The following NXF3 variants were observed in gnomAD, a reference collection of about 807,000 sequenced individuals.
NXF3 encodes nuclear RNA export factor 3, also known as TAP-like protein 3.
In NXF3, 34 loss-of-function variants were observed where a neutral mutation model predicts 48.4. The ratio of observed to expected loss-of-function variants is 0.70; its 90% CI spans 0.53 to 0.93. NXF3 has a LOEUF of 0.93. NXF3 is among the 40% of genes least tolerant of loss of function. The pLI, the probability that NXF3 is intolerant of heterozygous loss-of-function variation, is 0.00. For synonymous variants in NXF3, 132 were observed against 145.7 expected (o/e 0.91, Z 0.68); for missense variants, 359 against 406.1 (o/e 0.88, Z 1.00).
intron 1 of NXF3, chrX:103,089,216 T>C (rs1467910136): frequency 1.6e-6 from 1 of 619,933 alleles, no homozygotes; most frequent in Non-Finnish European, 2.7e-6. Context: ...GGAAGAGACA[T>C]CAACTTACTC....
chrX:103,087,216 A>T lies in NXF3; in HGVS notation c.29-2333T>A, dbSNP rs1019389524. 5.0e-5 allele frequency: 41 copies of T among 815,932 alleles called. No individual in the cohort carries two copies. The African/African-American group carries it at 6.5e-4, about 13-fold the overall frequency. 67.2% of individuals were successfully genotyped at this position (815,932 alleles called of 1,213,427 possible). A position where few individuals can be genotyped will look rare whatever the true frequency, so the allele number is the denominator to read the frequency against. The stretch of plus-strand genomic sequence containing the variant: ...AGAATATGATGCCTGAAAACTATTT[A>T]AAAATGCTAAAGATTCAACAGTGTG... On this transcript the variant is annotated intron_variant, in intron 1 of 19. Coordinates refer to ENST00000395065, the MANE Select transcript of NXF3 (RefSeq NM_022052.2).
chrX:103,087,467 A>C, intron 1 of NXF3: 2 of 1,055,878 alleles, frequency 1.9e-6, no homozygotes. Flanking sequence ...CGCCACTTAA[A>C]AAATCTGAAG....
intron 13 of NXF3, 40 bp downstream of exon 13, chrX:103,079,723 T>A: frequency 8.4e-7 from 1 of 1,189,310 alleles, no homozygotes; most frequent in Non-Finnish European, 1.1e-6. Flanking sequence ...TGCAGGGGAG[T>A]CACATGGCCC....
At chrX:103,086,351 T>C (rs1260961288) in intron 1 of NXF3, among the ~76,000 whole-genome samples, 3 of 110,063 alleles carry the variant, frequency 2.7e-5, no homozygotes, top group African/African-American at 9.9e-5. Flanking sequence ...GCAGAGCTTG[T>C]AGTGAGCCGA....
In NXF3 at chrX:103,079,468, C is replaced by T. The variant is rs146494763; in HGVS notation, c.1226G>A (p.Arg409Gln). The T allele has an allele frequency of 1.4e-4, 170 of 1,207,270 alleles. No individual in the cohort carries two copies. Among genetic ancestry groups the T allele is most frequent in the Admixed American group, 1.1e-3 (52 of 45,746 alleles). ...TTTTGTGTGCTTCAGCAGCTCCCCC[C>T]GAAGGTCTGTAGAGGAGAAGAGAAG... Reference protein sequence around the residue: ...NIKILKDPYLRGELLKHTKLD... With the variant: ...NIKILKDPYLQGELLKHTKLD... The change falls in exon 15 of 20, where the codon CGG (arginine) becomes CAG (glutamine). Residue 409 changes from arginine to glutamine, a missense_variant. Transcript: ENST00000395065.
intron 8 of NXF3, 146 bp from the exon 9 acceptor site, chrX:103,082,510 A>G (rs927836358): frequency 2.5e-5 from 12 of 476,440 alleles, no homozygotes; most frequent in Non-Finnish European, 4.4e-5. Context: ...TTCTTCAAAG[A>G]ACTATCTGAG....
intron 7 of NXF3, 62 bp downstream of exon 7, chrX:103,082,942 G>C (rs762683416): frequency 1.7e-6 from 2 of 1,151,049 alleles, no homozygotes; most frequent in African/African-American, 3.6e-5. Context: ...CCAACCGTAA[G>C]TCTCCATCTC....
At chrX:103,083,136 G>A (rs1302135890) in intron 6 of NXF3, 57 bp downstream of exon 6, 1 of 1,188,545 alleles carries the variant, frequency 8.4e-7, no homozygotes, top group African/African-American at 1.8e-5. Context: ...GGCAATAGGT[G>A]GGGAAGAAGC....
Position 103,080,518 on chromosome X carries a change from C to A in NXF3, c.927+58G>T, listed in dbSNP as rs41311711. ...GGACAATATCTAAAGGGGTTTGGGG[C>A]AGTTGGGGGCAGCATCAGTCCCAAT... On this transcript the variant is annotated intron_variant, in intron 10 of 19. Transcript: ENST00000395065. 1,330 of 1,067,768 alleles carry A rather than the reference C, an allele frequency of 1.2e-3. 5 individuals are homozygous for A. The African/African-American group carries it at 0.015, about 12-fold the overall frequency. The allele number at this position is 1,067,768 out of a possible 1,213,427, so 88.0% of individuals were successfully genotyped here.
chrX:103,084,556 G>T, intron 2 of NXF3, 61 bp from the exon 3 acceptor site: 1 of 1,154,810 alleles, frequency 8.7e-7, no homozygotes, highest in Non-Finnish European at 1.2e-6. Flanking sequence ...ATACACATTT[G>T]ATCCACTGAT....
Position 103,079,752 on chromosome X carries a change from G to A in NXF3, c.1160+11C>T, listed in dbSNP as rs372905980. 2.7e-5 allele frequency: 32 copies of A among 1,205,752 alleles called. No individual in the cohort carries two copies. Among genetic ancestry groups the A allele is most frequent in the Non-Finnish European group, 3.6e-5 (32 of 890,167 alleles). The stretch of plus-strand genomic sequence containing the variant: ...ATGGCCCTGGACCAGGGTCGGAGCT[G>A]TGATACTCACGGGGCTGAGTCCTCA... On this transcript the variant is annotated intron_variant, in intron 13 of 19. Transcript: ENST00000395065.
At chrX:103,083,584 C>T (rs1372242021) in intron 4 of NXF3, 25 bp downstream of exon 4, 5 of 1,188,448 alleles carry the variant, frequency 4.2e-6, no homozygotes, top group African/African-American at 1.8e-5. Flanking sequence ...TGTTTTCTCT[C>T]GTCTGCCTCA....
chrX:103,079,688 G>A (rs762644983), intron 13 of NXF3, 46 bp from the exon 14 acceptor site: 2 of 1,184,299 alleles, frequency 1.7e-6, no homozygotes, highest in Non-Finnish European at 1.1e-6. Flanking sequence ...GCCAGTGCAG[G>A]CATCTCCAGG....
Position 103,084,890 on chromosome X carries a change from T to C in NXF3, c.29-7A>G. ...ACAACTTGATCAGTGTGACCTTAAA[T>C]TAAGAACAGCACATCAACACTTAGA... On this transcript the variant is annotated splice_polypyrimidine_tract_variant and splice_region_variant and intron_variant, in intron 1 of 19. Coordinates refer to ENST00000395065, the MANE Select transcript of NXF3 (RefSeq NM_022052.2). The C allele has an allele frequency of 8.3e-7, 1 of 1,203,129 alleles. No individual in the cohort carries two copies. The highest frequency in any genetic ancestry group is 2.3e-4 in the Middle Eastern group (1 of 4,321).
intron 1 of NXF3, among the ~76,000 whole-genome samples, chrX:103,090,869 C>T (rs188602015): frequency 8.9e-6 from 1 of 111,916 alleles, no homozygotes; most frequent in African/African-American, 3.2e-5. Flanking sequence ...GAATCACATG[C>T]TTTAAAAAAC....
rs1921971651 is a variant in NXF3, at chrX:103,080,089, G to T, written c.997-21C>A. 7 of 1,209,331 alleles carry T rather than the reference G, an allele frequency of 5.8e-6. No homozygotes were observed. In the East Asian group the frequency reaches 2.1e-4, roughly 36 times the overall value. On this transcript the variant is annotated intron_variant, in intron 11 of 19. Transcript: ENST00000395065. ...CTTCCCTGGAATAAAGAGTCCCCAG[G>T]ACCACAGATGGTACCCCCCCTTCCT...
chrX:103,091,802 C>T (rs1339195592), intron 1 of NXF3, among the ~76,000 whole-genome samples: 1 of 108,597 alleles, frequency 9.2e-6, no homozygotes, highest in Non-Finnish European at 1.9e-5. Context: ...TGGCTAACAC[C>T]GTGAAACCCC....
At position 103,083,187 on chromosome X, in the gene NXF3, T is replaced by C. The variant is rs1922058848; in HGVS notation, c.621+6A>G. The C allele has an allele frequency of 8.3e-7, 1 of 1,210,206 alleles. No homozygotes were observed. The highest frequency in any genetic ancestry group is 1.7e-5 in the African/African-American group (1 of 57,634). On this transcript the variant is annotated splice_donor_region_variant and intron_variant, in intron 6 of 19. Coordinates refer to ENST00000395065, the MANE Select transcript of NXF3 (RefSeq NM_022052.2). ...GTGTGAACAACTTGCCATGAGTCTG[T>C]GTTACCTTTATCTGCTCCACCTTTT...
At chrX:103,079,199 A>C in intron 16 of NXF3, 22 bp downstream of exon 16, 1 of 1,206,255 alleles carries the variant, frequency 8.3e-7, no homozygotes. Flanking sequence ...GGATCTGGGG[A>C]AGGGACTCTA....
Sources: allele counts gnomAD v4.1 joint callset (sites outside exome capture counted in the v4.1 genomes callset), GRCh38; gene constraint gnomAD v4.1.1; transcripts MANE v1.5; gene names NCBI Gene and HGNC (gene_info 2026-07-23, HGNC 2026-07-21).